Variants in JAKMIP2 observed in about 807,000 individuals in gnomAD.
JAKMIP2 encodes the protein janus kinase and microtubule-interacting protein 2.
Under a neutral mutation model 115.0 loss-of-function variants are expected in JAKMIP2, and 25 were observed. The observed-to-expected ratio is 0.22, with a 90% CI of 0.16 to 0.30. The LOEUF (loss-of-function observed/expected upper bound fraction) is 0.30. Ranked by LOEUF, JAKMIP2 falls within the 10% of genes least tolerant of loss-of-function variation. JAKMIP2 has a pLI of 1.00. For missense variants in JAKMIP2, 642 were observed against 957.6 expected (o/e 0.67, Z 4.35); for synonymous variants, 334 against 343.6 (o/e 0.97, Z 0.31).
At chr5:147,719,139 T>C (rs1271389386) in intron 1 of JAKMIP2, among the ~76,000 whole-genome samples, 6 of 133,538 alleles carry the variant, frequency 4.5e-5, no homozygotes, top group African/African-American at 1.8e-4. Flanking sequence ...TTGTTCAGTT[T>C]CCATGTAGTT....
At chr5:147,656,097 G>A (rs1302226699) in intron 3 of JAKMIP2, among the ~76,000 whole-genome samples, 1 of 152,204 alleles carries the variant, frequency 6.6e-6, no homozygotes, top group Non-Finnish European at 1.5e-5. Context: ...ATTTGCTGAG[G>A]AGTGTTTTAC....
intron 1 of JAKMIP2, among the ~76,000 whole-genome samples, chr5:147,758,384 G>A (rs1754820212): frequency 6.6e-6 from 1 of 152,074 alleles, no homozygotes; most frequent in Admixed American, 6.6e-5. Context: ...CAAATCGAAT[G>A]TTACATAGAA....
chr5:147,657,613 A>T (rs1758744529), intron 3 of JAKMIP2, among the ~76,000 whole-genome samples: 1 of 151,902 alleles, frequency 6.6e-6, no homozygotes, highest in Non-Finnish European at 1.5e-5. Context: ...ACTTGATTCC[A>T]TTCTCCCCAT....
chr5:147,592,522 A>G (rs1755147547), intron 21 of JAKMIP2, among the ~76,000 whole-genome samples: 1 of 152,128 alleles, frequency 6.6e-6, no homozygotes, highest in Non-Finnish European at 1.5e-5. Context: ...CTAGGTCGTA[A>G]TGCTGTCTTC....
chr5:147,600,587 C>T (rs766657686), intron 21 of JAKMIP2, among the ~76,000 whole-genome samples: 8 of 152,054 alleles, frequency 5.3e-5, no homozygotes, highest in African/African-American at 4.8e-5. Flanking sequence ...TTAGAATAGC[C>T]GCTGGCCCTT....
chr5:147,765,772 T>C (rs754979785), intron 1 of JAKMIP2, among the ~76,000 whole-genome samples: 25 of 152,148 alleles, frequency 1.6e-4, no homozygotes, highest in Non-Finnish European at 3.5e-4. Flanking sequence ...CTGAACACTT[T>C]TTATATTTTT....
intron 1 of JAKMIP2, among the ~76,000 whole-genome samples, chr5:147,759,797 T>C (rs1437332352): frequency 6.6e-6 from 1 of 152,070 alleles, no homozygotes; most frequent in African/African-American, 2.4e-5. Context: ...TTCGTAGGAT[T>C]TGGTAATTTT....
intron 1 of JAKMIP2, among the ~76,000 whole-genome samples, chr5:147,756,113 CTT>C (rs1754733217): frequency 6.6e-6 from 1 of 152,018 alleles, no homozygotes; most frequent in Non-Finnish European, 1.5e-5. Flanking sequence ...GGAATATTCT[CTT>C]TGATTACTAA....
At chr5:147,660,137 A>G (rs969553342) in intron 3 of JAKMIP2, among the ~76,000 whole-genome samples, 11 of 152,224 alleles carry the variant, frequency 7.2e-5, no homozygotes, top group African/African-American at 2.4e-4. Flanking sequence ...AGATGAATAT[A>G]AAATTTTTTG....
chr5:147,730,745 C>T (rs879568188), intron 1 of JAKMIP2, among the ~76,000 whole-genome samples: 2 of 152,168 alleles, frequency 1.3e-5, no homozygotes, highest in African/African-American at 2.4e-5. Flanking sequence ...TGAGCCACCA[C>T]ACCCAGCCCA....
At chr5:147,712,813 G>A (rs1255860551) in intron 1 of JAKMIP2, among the ~76,000 whole-genome samples, 2 of 152,112 alleles carry the variant, frequency 1.3e-5, no homozygotes, top group African/African-American at 4.8e-5. Flanking sequence ...AAATGGAAGG[G>A]CATACATTTT....
intron 1 of JAKMIP2, among the ~76,000 whole-genome samples, chr5:147,684,264 C>T (rs1424276495): frequency 6.6e-6 from 1 of 150,532 alleles, no homozygotes; most frequent in African/African-American, 2.4e-5. Context: ...TATGTATCTA[C>T]CAAAAAAGCC....
At chr5:147,655,090 C>T (rs1391245600) in intron 3 of JAKMIP2, among the ~76,000 whole-genome samples, 1 of 152,102 alleles carries the variant, frequency 6.6e-6, no homozygotes, top group East Asian at 1.9e-4. Context: ...TGATGTGCTG[C>T]TGGATTTGGT....
At chr5:147,681,344 C>G (rs552988733) in intron 1 of JAKMIP2, among the ~76,000 whole-genome samples, 1 of 152,290 alleles carries the variant, frequency 6.6e-6, no homozygotes, top group East Asian at 1.9e-4. Flanking sequence ...TGACTTTGCT[C>G]ATGCAATTCT....
chr5:147,771,494 C>A (rs1001839165), intron 1 of JAKMIP2, among the ~76,000 whole-genome samples: 1 of 151,650 alleles, frequency 6.6e-6, no homozygotes, highest in African/African-American at 2.4e-5. Flanking sequence ...TGGATTTAGT[C>A]CAAAAAGTAA....
chr5:147,693,852 C>G (rs1452265500), intron 1 of JAKMIP2, among the ~76,000 whole-genome samples: 2 of 152,154 alleles, frequency 1.3e-5, no homozygotes, highest in African/African-American at 4.8e-5. Context: ...GGGGGTTATA[C>G]TTCTGATCAA....
At chr5:147,635,376 G>A (rs1757563972) in intron 12 of JAKMIP2, among the ~76,000 whole-genome samples, 1 of 150,388 alleles carries the variant, frequency 6.6e-6, no homozygotes, top group African/African-American at 2.5e-5. Flanking sequence ...ACTGTTTTAT[G>A]TTTTAAAAAC....
At chr5:147,702,566 AAGAAAGAAAGAAGGAAAGAAAGAAAG>A (rs1752380064) in intron 1 of JAKMIP2, among the ~76,000 whole-genome samples, 1 of 129,892 alleles carries the variant, frequency 7.7e-6, no homozygotes. Flanking sequence ...GAAAGAAAGA[AAGAAAGAAAGAAGGAAAGAAAGAAAG>A]AAAGAAAGAA....
intron 1 of JAKMIP2, among the ~76,000 whole-genome samples, chr5:147,780,831 T>A (rs568885584): frequency 4.6e-4 from 70 of 152,310 alleles, no homozygotes; most frequent in African/African-American, 1.6e-3. Context: ...AATTGTTATT[T>A]TACATTGTAA....
Sources: gnomAD v4.1 joint callset for allele counts (sites outside exome capture counted in the v4.1 genomes callset) on GRCh38, gnomAD v4.1.1 for gene constraint, MANE v1.5 for transcripts, NCBI Gene and HGNC (gene_info 2026-07-23, HGNC 2026-07-21) for gene names.